CLYBL: variants seen among roughly 807,000 people sequenced by gnomAD.
The protein encoded by CLYBL is citramalyl-CoA lyase.
A neutral mutation model predicts 38.9 loss-of-function variants in CLYBL; 31 were observed. The observed-to-expected ratio is 0.80, with a 90% CI of 0.60 to 1.08. The LOEUF (loss-of-function observed/expected upper bound fraction) is 1.08, where lower values mean the gene tolerates loss of function less well. Ranked by LOEUF, CLYBL falls within the 50% of genes least tolerant of loss-of-function variation. The pLI, the probability that CLYBL is intolerant of heterozygous loss-of-function variation, is 0.00. For missense variants in CLYBL, 434 were observed against 411.6 expected (o/e 1.05, Z -0.47); for synonymous variants, 171 against 158.6 (o/e 1.08, Z -0.59).
intron 1 of CLYBL, among the ~76,000 whole-genome samples, chr13:99,658,617 G>A (rs1210218226): frequency 6.6e-6 from 1 of 152,194 alleles, no homozygotes. Flanking sequence ...AGGCAGCGGG[G>A]CGGGGTGTGG....
At chr13:99,900,614 T>C (rs1269114188), downstream of CLYBL, among the ~76,000 whole-genome samples, 1 of 152,106 alleles carries the variant, frequency 6.6e-6, no homozygotes, top group Non-Finnish European at 1.5e-5. Flanking sequence ...GGGGACTTGC[T>C]CAAGGTCACA....
intron 1 of CLYBL, among the ~76,000 whole-genome samples, chr13:99,683,249 T>A (rs1472944638): frequency 6.6e-6 from 1 of 150,972 alleles, no homozygotes; most frequent in African/African-American, 2.4e-5. Flanking sequence ...ACCAGGCTAA[T>A]TTTTGTGTTT....
intron 1 of CLYBL, among the ~76,000 whole-genome samples, chr13:99,620,128 C>T (rs541335084): frequency 6.6e-6 from 1 of 152,224 alleles, no homozygotes; most frequent in African/African-American, 2.4e-5. Context: ...CACAGCACAG[C>T]GCCTAGGGGT....
chr13:99,870,479 A>G (rs1284529676), intron 6 of CLYBL, among the ~76,000 whole-genome samples: 1 of 152,262 alleles, frequency 6.6e-6, no homozygotes, highest in African/African-American at 2.4e-5. Flanking sequence ...CATTTCTAAG[A>G]GAAATCATGG....
chr13:99,733,690 G>A (rs1241587101), intron 1 of CLYBL, among the ~76,000 whole-genome samples: 2 of 152,200 alleles, frequency 1.3e-5, no homozygotes, highest in African/African-American at 4.8e-5. Context: ...ATAGCCATGC[G>A]CACGTCTCTG....
At chr13:99,765,710 A>C (rs141319150) in intron 1 of CLYBL, among the ~76,000 whole-genome samples, 1 of 151,740 alleles carries the variant, frequency 6.6e-6, no homozygotes, top group Non-Finnish European at 1.5e-5. Context: ...TGCCAGGCTA[A>C]TTTTTTGTAT....
chr13:99,729,282 G>A (rs1475627411), intron 1 of CLYBL, among the ~76,000 whole-genome samples: 1 of 152,236 alleles, frequency 6.6e-6, no homozygotes, highest in Non-Finnish European at 1.5e-5. Flanking sequence ...TTTATATGGG[G>A]ATAACATACA....
intron 1 of CLYBL, among the ~76,000 whole-genome samples, chr13:99,662,801 T>G (rs1423547846): frequency 1.3e-5 from 2 of 152,212 alleles, no homozygotes; most frequent in Non-Finnish European, 2.9e-5. Flanking sequence ...GAATTAAGTA[T>G]TTTTTAGATT....
chr13:99,709,149 G>A (rs1380190989), intron 1 of CLYBL, among the ~76,000 whole-genome samples: 1 of 152,012 alleles, frequency 6.6e-6, no homozygotes, highest in African/African-American at 2.4e-5. Context: ...CAATATGATT[G>A]CTGTCCTTAA....
chr13:99,750,589 G>A (rs549244995), intron 1 of CLYBL, among the ~76,000 whole-genome samples: 21 of 151,708 alleles, frequency 1.4e-4, no homozygotes, highest in African/African-American at 2.4e-4. Context: ...CAGAAGAATC[G>A]CTGGAACCTG....
chr13:99,833,003 CATACATATATAT>C (rs2050841055), intron 2 of CLYBL, among the ~76,000 whole-genome samples: 1 of 73,310 alleles, frequency 1.4e-5, no homozygotes, highest in African/African-American at 5.3e-5. Context: ...TACATACATA[CATACATATATAT>C]ATATATATAT....
rs370139627 is a variant in CLYBL at position 99,632,117 on chromosome 13, G to C, written c.62+25360G>C. Among the ~76,000 whole-genome samples, 39 of 152,324 alleles carry C rather than the reference G, an allele frequency of 2.6e-4. 1 individual carries two copies. The South Asian group carries it at 6.0e-3, about 23-fold the overall frequency. On this transcript the variant is annotated intron_variant, in intron 1 of 8. Coordinates refer to ENST00000339105, the MANE Select transcript of CLYBL (RefSeq NM_206808.5). ...TAGAGGGCAGAGGTAGAAACTGGCA[G>C]AGCTGGCAGAGCAGTCAGAAAATTA...
intron 1 of CLYBL, among the ~76,000 whole-genome samples, chr13:99,710,000 T>G (rs1466511661): frequency 6.9e-6 from 1 of 144,662 alleles, no homozygotes; most frequent in Non-Finnish European, 1.5e-5. Flanking sequence ...CTGGGCTCAC[T>G]GCAAGCTCCG....
intron 6 of CLYBL, among the ~76,000 whole-genome samples, chr13:99,867,004 G>A (rs2051765224): frequency 6.6e-6 from 1 of 152,122 alleles, no homozygotes; most frequent in South Asian, 2.1e-4. Flanking sequence ...GCACAGGCGG[G>A]TATCTGTTGA....
intron 1 of CLYBL, among the ~76,000 whole-genome samples, chr13:99,751,429 C>A (rs2139637436): frequency 1.3e-5 from 2 of 152,194 alleles, no homozygotes; most frequent in South Asian, 4.2e-4. Flanking sequence ...CCATGTTGAC[C>A]AGGCTGATCT....
At chr13:99,901,136 G>A (rs1176049439), downstream of CLYBL, among the ~76,000 whole-genome samples, 1 of 152,166 alleles carries the variant, frequency 6.6e-6, no homozygotes, top group Admixed American at 6.5e-5. Flanking sequence ...AGGCTGCAGC[G>A]CCATGCTGAG....
intron 2 of CLYBL, among the ~76,000 whole-genome samples, chr13:99,840,779 AAGG>A (rs1191732393): frequency 1.0e-4 from 12 of 114,886 alleles, no homozygotes; most frequent in African/African-American, 3.5e-4. Flanking sequence ...AAAAAAAAAA[AAGG>A]GTTACATATG....
At chr13:99,781,211 C>T (rs542029781) in intron 2 of CLYBL, among the ~76,000 whole-genome samples, 26 of 151,548 alleles carry the variant, frequency 1.7e-4, no homozygotes, top group African/African-American at 5.8e-4. Flanking sequence ...CGCTGTGTCA[C>T]GCAGGCTGGA....
downstream of CLYBL, chr13:99,894,303 G>T (rs2052544184): frequency 6.6e-6 from 1 of 152,294 alleles, no homozygotes; most frequent in Non-Finnish European, 1.5e-5. Context: ...CCGACACGGG[G>T]AAGTGAGAGC....
Sources: allele counts gnomAD v4.1 joint callset (sites outside exome capture counted in the v4.1 genomes callset), GRCh38; gene constraint gnomAD v4.1.1; transcripts MANE v1.5; gene names NCBI Gene and HGNC (gene_info 2026-07-23, HGNC 2026-07-21).